LMBR1: variants seen among roughly 807,000 people sequenced by gnomAD.
LMBR1 encodes the protein limb development membrane protein 1, also known as limb region 1 protein homolog.
LMBR1 carries 52 observed loss-of-function variants against 73.9 expected under a neutral mutation model. That is an observed-to-expected ratio of 0.70 (90% CI 0.56 to 0.89). The LOEUF (loss-of-function observed/expected upper bound fraction) is 0.89, where lower values mean the gene tolerates loss of function less well. LMBR1 is among the 40% of genes least tolerant of loss of function. The pLI is 0.00. For missense variants in LMBR1, 539 were observed against 579.8 expected (o/e 0.93, Z 0.72); for synonymous variants, 215 against 209.4 (o/e 1.03, Z -0.23).
chr7:156,712,058 T>C (rs534856538), intron 15 of LMBR1, among the ~76,000 whole-genome samples: 13 of 152,204 alleles, frequency 8.5e-5, no homozygotes, highest in Admixed American at 3.9e-4. Context: ...AGTGAACAGA[T>C]AACCTGCAGA....
intron 15 of LMBR1, among the ~76,000 whole-genome samples, chr7:156,719,851 G>A (rs562527185): frequency 6.6e-6 from 1 of 152,234 alleles, no homozygotes; most frequent in South Asian, 2.1e-4. Flanking sequence ...ACAAGAAATG[G>A]GGAAAGGATT....
chr7:156,673,837 C>T (rs1803147557), downstream of LMBR1, among the ~76,000 whole-genome samples: 1 of 151,908 alleles, frequency 6.6e-6, no homozygotes, highest in Non-Finnish European at 1.5e-5. Flanking sequence ...ACTCCATGTC[C>T]TCAAAGGCAC....
chr7:156,776,169 T>G (rs186217641), intron 5 of LMBR1, among the ~76,000 whole-genome samples: 1 of 151,380 alleles, frequency 6.6e-6, no homozygotes, highest in Non-Finnish European at 1.5e-5. Context: ...GTAAACACAA[T>G]GTAATGGTTC....
intron 15 of LMBR1, among the ~76,000 whole-genome samples, chr7:156,703,457 C>T (rs569940080): frequency 1.3e-5 from 2 of 152,114 alleles, no homozygotes; most frequent in South Asian, 2.1e-4. Flanking sequence ...AGCTGAGTGG[C>T]AGACTGGATG....
intron 5 of LMBR1, among the ~76,000 whole-genome samples, chr7:156,789,456 A>G (rs1828804825): frequency 6.6e-6 from 1 of 152,230 alleles, no homozygotes; most frequent in African/African-American, 2.4e-5. Context: ...TCAAACTATC[A>G]AACAATCTTA....
At chr7:156,676,307 G>C (rs550976049), downstream of LMBR1, 1 of 1,608,104 alleles carries the variant, frequency 6.2e-7, no homozygotes, top group South Asian at 1.1e-5. Context: ...TGAAACTTCC[G>C]CATGTTTCGA....
chr7:156,724,421 A>T lies in LMBR1; in HGVS notation c.1159-243T>A, dbSNP rs1173779228. Among the ~76,000 whole-genome samples the T allele has an allele frequency of 9.2e-5, 14 of 152,290 alleles. No individual in the cohort carries two copies. The East Asian group carries it at 2.5e-3, about 27-fold the overall frequency. On this transcript the variant is annotated intron_variant, in intron 14 of 16. Coordinates refer to ENST00000353442, the MANE Select transcript of LMBR1 (RefSeq NM_022458.4). ...CACAGATATAGTTATAGAATACTTA[A>T]ATTACTTGACACCTAGATAATGCAC...
chr7:156,891,211 AATAT>A (rs1162520790), intron 1 of LMBR1, among the ~76,000 whole-genome samples: 2,892 of 81,140 alleles, frequency 0.036, 204 homozygotes, highest in East Asian at 0.097. Context: ...AAAAAAAAAA[AATAT>A]ATATATATAT....
intron 4 of LMBR1, among the ~76,000 whole-genome samples, chr7:156,821,945 C>T (rs985039428): frequency 1.3e-5 from 2 of 152,162 alleles, no homozygotes; most frequent in African/African-American, 4.8e-5. Context: ...TCCAAATCTC[C>T]CCACCAAATA....
intron 5 of LMBR1, among the ~76,000 whole-genome samples, chr7:156,787,079 G>C (rs982654740): frequency 6.6e-6 from 1 of 152,136 alleles, no homozygotes; most frequent in Admixed American, 6.5e-5. Flanking sequence ...CTTCTGCCCA[G>C]AGCTAAGGCT....
chr7:156,688,928 G>A (rs1371841421), intron 15 of LMBR1, among the ~76,000 whole-genome samples: 1 of 152,044 alleles, frequency 6.6e-6, no homozygotes, highest in African/African-American at 2.4e-5. Flanking sequence ...GAATAAATAA[G>A]GTAATTTCCT....
At chr7:156,756,074 T>C (rs551180350) in intron 9 of LMBR1, among the ~76,000 whole-genome samples, 75 of 152,312 alleles carry the variant, frequency 4.9e-4, no homozygotes, top group Admixed American at 2.5e-3. Context: ...CATTGGTTCT[T>C]CAAAAACCAT....
chr7:156,835,420 C>T (rs931305297), intron 2 of LMBR1, among the ~76,000 whole-genome samples: 3 of 152,184 alleles, frequency 2.0e-5, no homozygotes, highest in African/African-American at 4.8e-5. Context: ...CTTGGCCAGG[C>T]GCAGTGGCTC....
At chr7:156,745,894 T>G (rs1242823372) in intron 9 of LMBR1, among the ~76,000 whole-genome samples, 1 of 152,318 alleles carries the variant, frequency 6.6e-6, no homozygotes, top group Non-Finnish European at 1.5e-5. Context: ...TCACTTTACT[T>G]GTTAATATAT....
chr7:156,761,989 A>AAAAAAAAAAAAC (rs1265336535), intron 8 of LMBR1, 145 bp downstream of exon 8: 1 of 584,832 alleles, frequency 1.7e-6, no homozygotes, highest in African/African-American at 1.9e-5. Context: ...AAAAAAAAAA[A>AAAAAAAAAAAAC]AAACTTAATA....
chr7:156,868,462 T>C (rs560586376), intron 1 of LMBR1, among the ~76,000 whole-genome samples: 1 of 151,828 alleles, frequency 6.6e-6, no homozygotes, highest in East Asian at 1.9e-4. Context: ...GATCACAAGG[T>C]CAGGAGTTCA....
At chr7:156,786,197 G>GGGAAGGGAAGGGAAGGAAGGA in intron 5 of LMBR1, among the ~76,000 whole-genome samples, 1 of 146,486 alleles carries the variant, frequency 6.8e-6, no homozygotes, top group South Asian at 2.2e-4. Flanking sequence ...GAAGGAGGTA[G>GGGAAGGGAAGGGAAGGAAGGA]GGAAGGGAAG....
At chr7:156,693,575 C>A (rs1160069371) in intron 15 of LMBR1, among the ~76,000 whole-genome samples, 2 of 152,132 alleles carry the variant, frequency 1.3e-5, no homozygotes, top group African/African-American at 4.8e-5. Context: ...AACATACAAT[C>A]TGCCCAGACT....
At position 156,756,471 on chromosome 7, in the gene LMBR1, T is replaced by A; in HGVS notation, c.685-6A>T. The A allele has an allele frequency of 7.5e-7, 1 of 1,339,018 alleles. No individual in the cohort carries two copies. Among genetic ancestry groups the A allele is most frequent in the Non-Finnish European group, 1.1e-6 (1 of 946,852 alleles). 82.9% of individuals were successfully genotyped at this position (1,339,018 alleles called of 1,614,324 possible). On this transcript the variant is annotated splice_region_variant and splice_polypyrimidine_tract_variant and intron_variant, in intron 8 of 16. Coordinates refer to ENST00000353442, the MANE Select transcript of LMBR1 (RefSeq NM_022458.4). Reference sequence around the variant, plus strand: ...TCATCCAGGTCTTCAAGAATCTAAATTTAAAGATAAAACTATTCAATAATT... The same window carrying A: ...TCATCCAGGTCTTCAAGAATCTAAAATTAAAGATAAAACTATTCAATAATT...
Sources: allele counts gnomAD v4.1 joint callset (sites outside exome capture counted in the v4.1 genomes callset), GRCh38; gene constraint gnomAD v4.1.1; transcripts MANE v1.5; gene names NCBI Gene and HGNC (gene_info 2026-07-23, HGNC 2026-07-21).